Variants in USF2 observed in about 807,000 individuals in gnomAD.
USF2 encodes the protein upstream transcription factor 2, c-fos interacting.
USF2 carries 16 observed loss-of-function variants against 46.9 expected under a neutral mutation model. The observed-to-expected ratio is 0.34, with a 90% CI of 0.23 to 0.52. The LOEUF (loss-of-function observed/expected upper bound fraction) is 0.52. Among genes scored for constraint, USF2 ranks in the 20% least tolerant of loss-of-function variants. The pLI is 0.96. For missense variants in USF2, 411 were observed against 474.0 expected, an observed-to-expected ratio of 0.87 and a Z score of 1.23; for synonymous variants, 239 against 194.1, an observed-to-expected ratio of 1.23 and a Z score of -1.92.
chr19:35,270,109 G>T, intron 4 of USF2, 106 bp downstream of exon 4: 1 of 1,236,430 alleles, frequency 8.1e-7, no homozygotes, highest in Non-Finnish European at 1.0e-6. Flanking sequence ...CCCAGCGGAT[G>T]CTGCCTTCAG....
intron 8 of USF2, 73 bp downstream of exon 8, chr19:35,278,865 C>G (rs1420297007): frequency 6.2e-7 from 1 of 1,606,638 alleles, no homozygotes; most frequent in Admixed American, 1.7e-5. Flanking sequence ...GTCCAACAGC[C>G]ATGGGGCTCG....
Position 35,269,502 on chromosome 19 carries a change from TG to T in USF2, c.109+11del, listed in dbSNP as rs755090521. ...GTCGAGCTGCAGGAAGGTGAGTGCT[TG>T]CCGGGCCGGCCGCGCCCGGGGAGGG... is the stretch of plus-strand genomic sequence containing the variant. On this transcript the variant is annotated intron_variant, in intron 2 of 9. Transcript: ENST00000222305. The T allele has an allele frequency of 6.5e-6, 10 of 1,546,340 alleles. No homozygotes were observed. In the South Asian group the frequency reaches 1.2e-4, roughly 18 times the overall value.
rs976745887 is a variant in USF2, at chr19:35,279,239, G to A, written c.1024G>A (p.Glu342Lys). The change falls in exon 10 of 10, where the codon GAG (glutamate) becomes AAG (lysine). Residue 342 changes from glutamate (E) to lysine (K), a missense_variant. By Grantham distance (56) the Glu-to-Lys change is moderately conservative. Transcript: ENST00000222305. ...GCAGCACAACCTGGAGATGGTGGGC[G>A]AGGGCACCCGGCAGTGACGCCCGCC... is the stretch of plus-strand genomic sequence containing the variant. ...LQQHNLEMVG[E>K]GTRQ The A allele has an allele frequency of 1.9e-6, 3 of 1,550,172 alleles. No homozygotes were observed. The highest frequency in any genetic ancestry group is 2.7e-5 in the African/African-American group (2 of 73,280).
In USF2 at chr19:35,270,980, G is replaced by A. The variant is rs543657977; in HGVS notation, c.669-103G>A. On this transcript the variant is annotated intron_variant, in intron 6 of 9. Coordinates refer to ENST00000222305, the MANE Select transcript of USF2 (RefSeq NM_003367.4). Reference sequence around the variant, plus strand: ...ATCATGTCTTTTGTTTTTGCAGATGGATTTACCTTGCAAAGATAATTTTCA... The same window carrying A: ...ATCATGTCTTTTGTTTTTGCAGATGAATTTACCTTGCAAAGATAATTTTCA... The A allele has an allele frequency of 9.1e-4, 1,381 of 1,518,336 alleles. 1 individual carries two copies. The highest frequency in any genetic ancestry group is 1.1e-3 in the Non-Finnish European group (1,237 of 1,103,224). 94.1% of individuals were successfully genotyped at this position (1,518,336 alleles called of 1,614,324 possible). A position where few individuals can be genotyped will look rare whatever the true frequency, so the allele number is the denominator to read the frequency against.
chr19:35,271,060 C>T (rs1555755584), intron 6 of USF2, 23 bp from the exon 7 acceptor site: 3 of 1,591,878 alleles, frequency 1.9e-6, no homozygotes, highest in East Asian at 2.2e-5. Flanking sequence ...TACATGCCCC[C>T]TTTTTTTTTC....
intron 4 of USF2, 121 bp from the exon 5 acceptor site, chr19:35,270,326 C>T (rs577629131): frequency 2.2e-6 from 3 of 1,381,490 alleles, no homozygotes; most frequent in South Asian, 2.8e-5. Context: ...ATGCTACACG[C>T]AGAAGGAGTC....
chr19:35,271,107 C>A lies in USF2; in HGVS notation c.693C>A (p.Pro231=). The A allele has an allele frequency of 1.2e-6, 2 of 1,613,968 alleles. No homozygotes were observed. Among genetic ancestry groups the A allele is most frequent in the Non-Finnish European group, 1.7e-6 (2 of 1,179,974 alleles). The change falls in exon 7 of 10, where the codon CCC becomes CCA. Residue 231 remains proline, a synonymous_variant. Transcript: ENST00000222305. ...GAAAAATTGATGGAACCAGAACACC[C>A]CGAGATGAGAGGAGAAGAGCCCAGC... is the stretch of plus-strand genomic sequence containing the variant. ...YSPKIDGTRT[P]RDERRRAQHN...
rs2066265964 is a variant in USF2, at chr19:35,278,577, G to A, written c.728-121G>A. ...GTGCGGCCCCTCACTTCCCAGGGCT[G>A]TGGTCTCGGTGGGGCCTGCACTGTT... On this transcript the variant is annotated intron_variant, in intron 7 of 9. Transcript: ENST00000222305. The A allele has an allele frequency of 2.9e-5, 29 of 989,062 alleles. No individual in the cohort carries two copies. In the South Asian group the frequency reaches 3.8e-4, roughly 13 times the overall value. The allele number at this position is 989,062 out of a possible 1,614,324, so 61.3% of individuals were successfully genotyped here. A position where few individuals can be genotyped will look rare whatever the true frequency, so the allele number is the denominator to read the frequency against.
intron 7 of USF2, among the ~76,000 whole-genome samples, chr19:35,276,554 G>T (rs1024263267): frequency 3.9e-5 from 6 of 152,286 alleles, no homozygotes; most frequent in African/African-American, 1.4e-4. Flanking sequence ...AGGAGGAGAT[G>T]CGGTCCTGAC....
At chr19:35,278,862 A>G in intron 8 of USF2, 70 bp downstream of exon 8, 5 of 1,607,870 alleles carry the variant, frequency 3.1e-6, no homozygotes, top group Non-Finnish European at 4.3e-6. Context: ...AAAGTCCAAC[A>G]GCCATGGGGC....
chr19:35,274,238 T>C (rs1309020523), intron 7 of USF2, among the ~76,000 whole-genome samples: 1 of 152,220 alleles, frequency 6.6e-6, no homozygotes, highest in East Asian at 1.9e-4. Flanking sequence ...GCAACCTTCT[T>C]CTTTGCAGAG....
Position 35,279,134 on chromosome 19 carries a change from C to T in USF2, c.952-33C>T, listed in dbSNP as rs368055064. The T allele has an allele frequency of 1.4e-5, 22 of 1,612,108 alleles. No homozygotes were observed. In the African/African-American group the frequency reaches 2.4e-4, roughly 18 times the overall value. On this transcript the variant is annotated intron_variant, in intron 9 of 9. Coordinates refer to ENST00000222305, the MANE Select transcript of USF2 (RefSeq NM_003367.4). The stretch of plus-strand genomic sequence containing the variant: ...GAGCCCCAGATGCAAGGCGCTGGCC[C>T]TCAGCTCCCTTGACCTCCGTCGTGT...
chr19:35,279,370 G>C lies in USF2; in HGVS notation c.*114G>C. The C allele has an allele frequency of 8.5e-7, 1 of 1,181,538 alleles. No homozygotes were observed. The highest frequency in any genetic ancestry group is 1.1e-6 in the Non-Finnish European group (1 of 892,912). 73.2% of individuals were successfully genotyped at this position (1,181,538 alleles called of 1,614,324 possible). A position where few individuals can be genotyped will look rare whatever the true frequency, so the allele number is the denominator to read the frequency against. On this transcript the variant is annotated 3_prime_UTR_variant, in exon 10 of 10. Transcript: ENST00000222305. Reference sequence around the variant, plus strand: ...CCTCCCCCAGCTGCGTTTTTTTATAGTAGATTTTTAACAAAAAACGGGGAG... The same window carrying C: ...CCTCCCCCAGCTGCGTTTTTTTATACTAGATTTTTAACAAAAAACGGGGAG...
At chr19:35,272,279 C>A (rs956896812) in intron 7 of USF2, among the ~76,000 whole-genome samples, 18 of 152,096 alleles carry the variant, frequency 1.2e-4, no homozygotes, top group Non-Finnish European at 2.9e-5. Context: ...CCGCATCAGG[C>A]AGTGCAGGCA....
chr19:35,278,673 G>T, intron 7 of USF2, 25 bp from the exon 8 acceptor site: 1 of 1,613,200 alleles, frequency 6.2e-7, no homozygotes, highest in Non-Finnish European at 8.5e-7. Flanking sequence ...CAGCGAAGCC[G>T]TGGCTGTGAC....
rs1244798550 is a variant in USF2, at chr19:35,279,252, A to C, written c.1037A>C (p.Gln346Pro). The change falls in exon 10 of 10, where the codon CAG becomes CCG. Residue 346 changes from glutamine to proline, a missense_variant. This residue lies in a region of USF2 where 93 missense variants were observed against 151.6 expected (regional missense o/e 0.61). Transcript: ENST00000222305. Reference sequence around the variant, plus strand: ...GAGATGGTGGGCGAGGGCACCCGGCAGTGACGCCCGCCACCACCACGCAGC... The same window carrying C: ...GAGATGGTGGGCGAGGGCACCCGGCCGTGACGCCCGCCACCACCACGCAGC... The part of the protein sequence containing the change: ...NLEMVGEGTR[Q>P] The C allele has an allele frequency of 6.6e-7, 1 of 1,525,968 alleles. No homozygotes were observed. Among genetic ancestry groups the C allele is most frequent in the East Asian group, 2.4e-5 (1 of 41,156 alleles). 94.5% of individuals were successfully genotyped at this position (1,525,968 alleles called of 1,614,324 possible).
rs2066103885 is a variant in USF2 at position 35,269,301 on chromosome 19, GCGCCTCC to G, written c.63-140_63-134del. The G allele has an allele frequency of 6.8e-6, 6 of 876,554 alleles. No homozygotes were observed. In the South Asian group the frequency reaches 3.0e-4, roughly 44 times the overall value. 54.3% of individuals were successfully genotyped at this position (876,554 alleles called of 1,614,324 possible). On this transcript the variant is annotated intron_variant, in intron 1 of 9. Coordinates refer to ENST00000222305, the MANE Select transcript of USF2 (RefSeq NM_003367.4). ...AGGCCGCCGGCGCGGGGGGGACCTG[GCGCCTCC>G]CGCCCCCGGCCCCCGGCCTCGGCGG...
chr19:35,273,553 C>T (rs1380074924), intron 7 of USF2, among the ~76,000 whole-genome samples: 1 of 152,112 alleles, frequency 6.6e-6, no homozygotes, highest in Non-Finnish European at 1.5e-5. Flanking sequence ...ACTGCTTTGG[C>T]TGCGAGTGTT....
chr19:35,269,911 G>A lies in USF2; in HGVS notation c.337G>A (p.Ala113Thr). The change falls in exon 4 of 10, where the codon GCT becomes ACT. Residue 113 changes from alanine (A) to threonine (T), a missense_variant. Around this residue, in one of 2 missense-constraint regions of USF2, gnomAD observed 318 missense variants for 322.4 expected, o/e 0.99. Transcript: ENST00000222305. ...STAAFAGGQQ[A>T]VTQVGVDGAA... ...CGCTGCCTTCGCGGGGGGGCAGCAG[G>A]CTGTGACCCAGGTGGGTGTGGACGG... The A allele has an allele frequency of 7.3e-7, 1 of 1,377,604 alleles. No homozygotes were observed. The highest frequency in any genetic ancestry group is 1.7e-5 in the South Asian group (1 of 57,740). 85.3% of individuals were successfully genotyped at this position (1,377,604 alleles called of 1,614,324 possible).
Sources: gnomAD v4.1 joint callset for allele counts (sites outside exome capture counted in the v4.1 genomes callset) on GRCh38, gnomAD v4.1.1 for gene constraint, gnomAD v4.1.1 regional missense constraint, MANE v1.5 for transcripts, NCBI Gene and HGNC (gene_info 2026-07-23, HGNC 2026-07-21) for gene names.